ZFP64: variants seen among roughly 807,000 people sequenced by gnomAD.
ZFP64 encodes the protein zinc finger protein 64.
A neutral mutation model predicts 51.6 loss-of-function variants in ZFP64; 14 were observed. That is an observed-to-expected ratio of 0.27 (90% CI 0.18 to 0.42). ZFP64 has a LOEUF of 0.42. Ranked by LOEUF, ZFP64 falls within the 10% of genes least tolerant of loss-of-function variation. The probability of loss-of-function intolerance (pLI) is 1.00; values close to 1 mark genes in which losing one functional copy is unlikely to be tolerated. For missense variants in ZFP64, 754 were observed against 906.8 expected, an observed-to-expected ratio of 0.83 and a Z score of 2.16; for synonymous variants, 375 against 361.4, an observed-to-expected ratio of 1.04 and a Z score of -0.43.
chr20:52,138,398 A>G (rs1980086343), intron 5 of ZFP64, among the ~76,000 whole-genome samples: 1 of 152,154 alleles, frequency 6.6e-6, no homozygotes, highest in Non-Finnish European at 1.5e-5. Context: ...AATGATTTGA[A>G]TTGTCCTATC....
intron 6 of ZFP64, among the ~76,000 whole-genome samples, chr20:52,097,940 T>C (rs1330077526): frequency 6.6e-6 from 1 of 151,910 alleles, no homozygotes; most frequent in Non-Finnish European, 1.5e-5. Context: ...TGGTGGTGCA[T>C]GCCTGTAGTC....
At chr20:52,118,288 C>T (rs1399354770) in intron 5 of ZFP64, among the ~76,000 whole-genome samples, 1 of 148,224 alleles carries the variant, frequency 6.7e-6, no homozygotes, top group Non-Finnish European at 1.5e-5. Context: ...GTTTGGGCAA[C>T]AACATGGATC....
intron 5 of ZFP64, among the ~76,000 whole-genome samples, chr20:52,101,848 G>A (rs112529864): frequency 0.014 from 2,144 of 150,792 alleles, 46 homozygotes; most frequent in African/African-American, 0.048. Context: ...GCCGGGTGCC[G>A]TGGCTCATGC....
At chr20:52,187,589 T>C (rs1984064843) in intron 1 of ZFP64, among the ~76,000 whole-genome samples, 1 of 151,890 alleles carries the variant, frequency 6.6e-6, no homozygotes, top group Admixed American at 6.6e-5. Flanking sequence ...ACCATTGCAC[T>C]CCAGCCTGGG....
At chr20:52,118,761 A>G (rs1016560617) in intron 5 of ZFP64, among the ~76,000 whole-genome samples, 2 of 152,236 alleles carry the variant, frequency 1.3e-5, no homozygotes, top group African/African-American at 4.8e-5. Flanking sequence ...ATATGTGATA[A>G]AGGTTCTCAC....
intron 5 of ZFP64, among the ~76,000 whole-genome samples, chr20:52,138,866 T>C (rs1980115219): frequency 6.6e-6 from 1 of 152,152 alleles, no homozygotes; most frequent in African/African-American, 2.4e-5. Context: ...ATTGGTCATG[T>C]AAATGGCCAT....
chr20:52,123,307 G>A (rs1325865649), intron 5 of ZFP64, among the ~76,000 whole-genome samples: 1 of 152,198 alleles, frequency 6.6e-6, no homozygotes, highest in Non-Finnish European at 1.5e-5. Context: ...GCGCCCAGCA[G>A]ACTGACTCCA....
At chr20:52,179,356 T>C (rs1983456853) in intron 2 of ZFP64, among the ~76,000 whole-genome samples, 1 of 152,200 alleles carries the variant, frequency 6.6e-6, no homozygotes, top group South Asian at 2.1e-4. Context: ...ACAGCCACCA[T>C]CACTAAGCCC....
chr20:52,175,862 C>T (rs1983161144), intron 2 of ZFP64: 2 of 236,484 alleles, frequency 8.5e-6, no homozygotes, highest in South Asian at 1.7e-4. Context: ...ACCCCCGCTG[C>T]CGCCCCCGCC....
intron 5 of ZFP64, among the ~76,000 whole-genome samples, chr20:52,115,898 G>A (rs1455347250): frequency 4.6e-5 from 7 of 151,944 alleles, no homozygotes; most frequent in Admixed American, 3.3e-4. Context: ...GCATTGGTGC[G>A]ATCTTGGCTC....
At chr20:52,120,015 A>G (rs376783041) in intron 5 of ZFP64, among the ~76,000 whole-genome samples, 15 of 152,250 alleles carry the variant, frequency 9.9e-5, no homozygotes, top group African/African-American at 3.6e-4. Flanking sequence ...TATTAAGAAC[A>G]CGGCTTTGGG....
intron 5 of ZFP64, chr20:52,105,235 C>A: frequency 7.5e-7 from 1 of 1,340,820 alleles, no homozygotes. Context: ...TGCGCCGCGA[C>A]ATGGCGCGAG....
intron 5 of ZFP64, among the ~76,000 whole-genome samples, chr20:52,143,530 T>C (rs1328955844): frequency 7.0e-6 from 1 of 142,146 alleles, no homozygotes; most frequent in African/African-American, 2.5e-5. Flanking sequence ...TGAGCTATTT[T>C]ACGACTTAGT....
rs560159731 is a variant in ZFP64 at position 52,085,153 on chromosome 20, C to T, written c.1342G>A (p.Asp448Asn). ...TTCGCCTTCATGGTGCAGCGGACGT[C>T]GCAGAACTCGCACTTGAAAGGCTTC... is the stretch of plus-strand genomic sequence containing the variant. The change falls in exon 9 of 9, where the codon GAC becomes AAC. Residue 448 changes from aspartate to asparagine, a missense_variant. Asp to Asn is a conservative substitution (Grantham distance 23). Transcript: ENST00000361387. This position sits in a 1 kb window ranked among gnomAD's most constrained non-coding sequence, Gnocchi z 4.3. 1.9e-6 allele frequency: 3 copies of T among 1,614,216 alleles called. No individual in the cohort carries two copies. The highest frequency in any genetic ancestry group is 1.1e-5 in the South Asian group (1 of 91,084).
At chr20:52,103,586 G>A (rs578070055) in intron 5 of ZFP64, among the ~76,000 whole-genome samples, 3 of 152,316 alleles carry the variant, frequency 2.0e-5, no homozygotes, top group African/African-American at 7.2e-5. Context: ...CTGGCTGCAG[G>A]AATCCAAAGT....
Position 52,191,571 on chromosome 20 carries a change from G to A in ZFP64, c.46+20C>T, listed in dbSNP as rs1008466161. The A allele has an allele frequency of 6.4e-7, 1 of 1,570,604 alleles. No homozygotes were observed. Among genetic ancestry groups the A allele is most frequent in the Non-Finnish European group, 8.6e-7 (1 of 1,162,794 alleles). On this transcript the variant is annotated intron_variant, in intron 1 of 5. Coordinates refer to ENST00000216923, the MANE Select transcript of ZFP64 (RefSeq NM_018197.3). The surrounding 1 kb of genome is among the most constrained non-coding windows in gnomAD (Gnocchi z 4.3). ...CGCACTGGGCCCCGGAGCGCGCACT[G>A]CTCCCGGAAAAGCACTTACTTTGCA...
intron 2 of ZFP64, among the ~76,000 whole-genome samples, chr20:52,180,346 C>T (rs1044614627): frequency 6.6e-5 from 10 of 152,140 alleles, no homozygotes; most frequent in African/African-American, 2.4e-4. Context: ...ATTTAATTCA[C>T]TTCTCTAGTT....
At chr20:52,129,709 C>T (rs1183512826) in intron 5 of ZFP64, among the ~76,000 whole-genome samples, 2 of 152,154 alleles carry the variant, frequency 1.3e-5, no homozygotes, top group African/African-American at 2.4e-5. Context: ...CCCAGATGCT[C>T]CTCATGGTGC....
intron 2 of ZFP64, among the ~76,000 whole-genome samples, chr20:52,182,120 C>T (rs1372265073): frequency 6.6e-6 from 1 of 152,170 alleles, no homozygotes; most frequent in Non-Finnish European, 1.5e-5. Context: ...CTCACAATAA[C>T]GCAATGATGA....
Sources: allele counts gnomAD v4.1 joint callset (sites outside exome capture counted in the v4.1 genomes callset), GRCh38; gene constraint gnomAD v4.1.1; non-coding constraint Gnocchi (gnomAD v3.1); transcripts MANE v1.5; gene names NCBI Gene and HGNC (gene_info 2026-07-23, HGNC 2026-07-21).